PRSS12: variants seen among roughly 807,000 people sequenced by gnomAD.
PRSS12 encodes the protein serine protease 12, also known as neurotrypsin.
PRSS12 carries 85 observed loss-of-function variants against 104.4 expected under a neutral mutation model. The observed-to-expected ratio is 0.81, with a 90% confidence interval of 0.68 to 0.98. The LOEUF (loss-of-function observed/expected upper bound fraction) is 0.98, where lower values mean the gene tolerates loss of function less well. PRSS12 is among the 50% of genes least tolerant of loss of function. PRSS12 has a pLI of 0.00. For missense variants in PRSS12, 1,141 were observed against 1,139.2 expected, an observed-to-expected ratio of 1.00 and a Z score of -0.02; for synonymous variants, 454 against 425.2, an observed-to-expected ratio of 1.07 and a Z score of -0.83.
At chr4:118,311,823 A>G (rs1743737423) in intron 7 of PRSS12, among the ~76,000 whole-genome samples, 1 of 152,206 alleles carries the variant, frequency 6.6e-6, no homozygotes, top group South Asian at 2.1e-4. Flanking sequence ...TGTGTTTAAC[A>G]ACACAGGCCT....
intron 3 of PRSS12, among the ~76,000 whole-genome samples, chr4:118,334,309 T>C (rs1296262154): frequency 6.6e-6 from 1 of 152,060 alleles, no homozygotes; most frequent in Non-Finnish European, 1.5e-5. Flanking sequence ...TGTAGATAGA[T>C]ATCCTGAAAA....
At chr4:118,351,568 T>A (rs1724505965) in intron 1 of PRSS12, among the ~76,000 whole-genome samples, 1 of 152,218 alleles carries the variant, frequency 6.6e-6, no homozygotes, top group Admixed American at 6.5e-5. Context: ...TATATTAAGT[T>A]GCTACTTCAC....
chr4:118,283,956 A>C lies in PRSS12; in HGVS notation c.2040-845T>G, dbSNP rs544232396. Among the ~76,000 whole-genome samples the C allele has an allele frequency of 2.6e-5, 4 of 152,332 alleles. No homozygotes were observed. The South Asian group carries it at 8.3e-4, about 32-fold the overall frequency. On this transcript the variant is annotated intron_variant, in intron 11 of 12. Transcript: ENST00000296498. Reference sequence around the variant, plus strand: ...AGGAATGCAAAAAATTGATTAAGTTAGTGAATGCTTATTATTAATGTATAC... The same window carrying C: ...AGGAATGCAAAAAATTGATTAAGTTCGTGAATGCTTATTATTAATGTATAC...
At chr4:118,341,822 T>C (rs1724219463) in intron 1 of PRSS12, among the ~76,000 whole-genome samples, 1 of 152,260 alleles carries the variant, frequency 6.6e-6, no homozygotes, top group Non-Finnish European at 1.5e-5. Flanking sequence ...CCCTGGTTAC[T>C]GACCTTCTAC....
At chr4:118,335,300 A>G (rs566295769) in intron 3 of PRSS12, among the ~76,000 whole-genome samples, 173 bp downstream of exon 3, 1 of 152,298 alleles carries the variant, frequency 6.6e-6, no homozygotes, top group African/African-American at 2.4e-5. Context: ...ATGGAATTCA[A>G]ATTAACAGTA....
At chr4:118,316,414 T>C (rs1723414568) in intron 5 of PRSS12, 91 bp from the exon 6 acceptor site, 4 of 1,524,416 alleles carry the variant, frequency 2.6e-6, no homozygotes, top group South Asian at 1.1e-5. Flanking sequence ...TATCACCATA[T>C]TCAGGCCTCA....
At chr4:118,331,646 G>C in intron 4 of PRSS12, 70 bp downstream of exon 4, 1 of 1,593,100 alleles carries the variant, frequency 6.3e-7, no homozygotes, top group Non-Finnish European at 8.6e-7. Flanking sequence ...TAAACAAACA[G>C]CACCTGCCTT....
At position 118,352,518 on chromosome 4, in the gene PRSS12, G is replaced by A. The variant is rs745375008; in HGVS notation, c.203C>T (p.Pro68Leu). 2.1e-6 allele frequency: 3 copies of A among 1,460,484 alleles called. No individual in the cohort carries two copies. The highest frequency in any genetic ancestry group is 2.9e-5 in the East Asian group (1 of 34,618). The allele number at this position is 1,460,484 out of a possible 1,614,324, so 90.5% of individuals were successfully genotyped here. A position where few individuals can be genotyped will look rare whatever the true frequency, so the allele number is the denominator to read the frequency against. Residue 68 changes from proline (P) to leucine (L), a missense_variant, in exon 1 of 13, where the codon CCC becomes CTC. Physicochemically the swap from Pro to Leu is moderately conservative, Grantham distance 98 (BLOSUM62 -3). Transcript: ENST00000296498. ...GCGCTGGGCAGGGAGCGCCCGCGGG[G>A]GGCGCGGGAAGCGCGGGAGAGGCGG... The part of the protein sequence containing the change: ...PPPPLPRFPR[P>L]PRALPAQRPH...
intron 12 of PRSS12, among the ~76,000 whole-genome samples, chr4:118,282,505 TAAGA>T (rs1279810055): frequency 2.6e-5 from 4 of 152,228 alleles, no homozygotes; most frequent in Admixed American, 2.6e-4. Flanking sequence ...TAAGGTGACC[TAAGA>T]AAGCATATTT....
At chr4:118,296,936 C>A (rs1396729431) in intron 9 of PRSS12, among the ~76,000 whole-genome samples, 2 of 151,750 alleles carry the variant, frequency 1.3e-5, no homozygotes, top group African/African-American at 4.8e-5. Context: ...GTATATGATG[C>A]CAAGAAAAGG....
Position 118,281,286 on chromosome 4 carries a change from A to C in PRSS12, c.*650T>G, listed in dbSNP as rs1742844931. The C allele has an allele frequency of 6.5e-6, 1 of 153,352 alleles. No individual in the cohort carries two copies. Among genetic ancestry groups the C allele is most frequent in the Non-Finnish European group, 1.5e-5 (1 of 68,826 alleles). 9.5% of individuals were successfully genotyped at this position (153,352 alleles called of 1,614,324 possible). On this transcript the variant is annotated 3_prime_UTR_variant, in exon 13 of 13. Coordinates refer to ENST00000296498, the MANE Select transcript of PRSS12 (RefSeq NM_003619.4). ...TACGCTGTAGGTAGAAAGTATTTTT[A>C]TCTTATGGTTTCTGTAGCACTTGGT...
At chr4:118,351,923 GCA>G (rs142733357) in intron 1 of PRSS12, among the ~76,000 whole-genome samples, 2,260 of 151,362 alleles carry the variant, frequency 0.015, 68 homozygotes, top group African/African-American at 0.051. Flanking sequence ...ATACACGAGC[GCA>G]CACACACACA....
intron 1 of PRSS12, among the ~76,000 whole-genome samples, chr4:118,351,493 T>G (rs1184232516): frequency 2.0e-5 from 3 of 152,250 alleles, no homozygotes; most frequent in Non-Finnish European, 4.4e-5. Flanking sequence ...TATCTCCTGA[T>G]GTTACCAACT....
intron 1 of PRSS12, among the ~76,000 whole-genome samples, chr4:118,343,516 C>T (rs955080925): frequency 5.3e-5 from 8 of 152,194 alleles, no homozygotes; most frequent in Admixed American, 2.0e-4. Context: ...ATTCTATATA[C>T]CCAGCTTATT....
At chr4:118,318,094 C>T (rs143161026) in intron 5 of PRSS12, among the ~76,000 whole-genome samples, 2 of 152,322 alleles carry the variant, frequency 1.3e-5, no homozygotes, top group East Asian at 3.9e-4. Context: ...GAATGTATCA[C>T]TGCACACTGA....
chr4:118,298,800 G>GC lies in PRSS12; in HGVS notation c.1769dup (p.His591ProfsTer3), dbSNP rs1186265050. ...AAATAACTCCTGCATCTTCACTGTG[G>GC]CGGCAGTTGTGTCTTCCAATATCTT... On this transcript the variant is annotated frameshift_variant, in exon 9 of 13. Coordinates refer to ENST00000296498, the MANE Select transcript of PRSS12 (RefSeq NM_003619.4). LOFTEE classifies it high-confidence loss of function. The GC allele has an allele frequency of 6.2e-7, 1 of 1,614,022 alleles. No individual in the cohort carries two copies. Among genetic ancestry groups the GC allele is most frequent in the Non-Finnish European group, 8.5e-7 (1 of 1,180,030 alleles).
At chr4:118,318,605 G>A (rs1157688671) in intron 4 of PRSS12, 49 bp from the exon 5 acceptor site, 1 of 1,569,468 alleles carries the variant, frequency 6.4e-7, no homozygotes, top group East Asian at 2.3e-5. Context: ...ACCAAAGATT[G>A]GTCTTTTATT....
At position 118,281,418 on chromosome 4, in the gene PRSS12, TA is replaced by T. The variant is rs1323806446; in HGVS notation, c.*517del. ...ACTCCTATTCAGGCCTAAAAGTTTA[TA>T]GTGGAATTCTTTAACCACTGATTTC... On this transcript the variant is annotated 3_prime_UTR_variant, in exon 13 of 13. Coordinates refer to ENST00000296498, the MANE Select transcript of PRSS12 (RefSeq NM_003619.4). The T allele has an allele frequency of 1.8e-5, 3 of 170,504 alleles. No homozygotes were observed. The highest frequency in any genetic ancestry group is 1.6e-4 in the Admixed American group (3 of 18,374). 10.6% of individuals were successfully genotyped at this position (170,504 alleles called of 1,614,324 possible).
chr4:118,336,573 A>T (rs1724069674), intron 2 of PRSS12, among the ~76,000 whole-genome samples: 1 of 151,908 alleles, frequency 6.6e-6, no homozygotes, highest in African/African-American at 2.4e-5. Flanking sequence ...TTTTTTTTTT[A>T]AATGGACTAC....
Sources: gnomAD v4.1 joint callset for allele counts (sites outside exome capture counted in the v4.1 genomes callset) on GRCh38, gnomAD v4.1.1 for gene constraint, MANE v1.5 for transcripts, NCBI Gene and HGNC (gene_info 2026-07-23, HGNC 2026-07-21) for gene names.